The following ZNF391 variants were observed in gnomAD, a reference collection of about 807,000 sequenced individuals.
ZNF391 encodes the protein zinc finger protein 391.
For missense variants in ZNF391, 375 were observed against 425.5 expected (o/e 0.88, Z 1.04); for synonymous variants, 126 against 142.1 (o/e 0.89, Z 0.80).
upstream of ZNF391, among the ~76,000 whole-genome samples, chr6:27,388,427 G>A (rs992844034): frequency 6.6e-6 from 1 of 152,048 alleles, no homozygotes; most frequent in Non-Finnish European, 1.5e-5. Context: ...CCTTGAAAAT[G>A]CAATGTTCCG....
At chr6:27,382,189 C>T (rs898497771) in intron 1 of ZNF391, among the ~76,000 whole-genome samples, 1 of 152,012 alleles carries the variant, frequency 6.6e-6, no homozygotes, top group African/African-American at 2.4e-5. Context: ...AAAAATCAGC[C>T]GGGTGTAGTG....
At chr6:27,390,424 G>C (rs1581530299) in intron 1 of ZNF391, among the ~76,000 whole-genome samples, 2 of 152,182 alleles carry the variant, frequency 1.3e-5, no homozygotes, top group East Asian at 3.8e-4. Context: ...GCAGTAAGGT[G>C]ACTCAAATAA....
At position 27,374,630 on chromosome 6, in the gene ZNF391, C is replaced by T. The variant is rs1453014894; in HGVS notation, n.16C>T. 1 of 152,136 alleles carries T rather than the reference C, an allele frequency of 6.6e-6. No homozygotes were observed. Among genetic ancestry groups the T allele is most frequent in the Non-Finnish European group, 1.5e-5 (1 of 68,072 alleles). 9.4% of individuals were successfully genotyped at this position (152,136 alleles called of 1,614,324 possible). ...ATGTTTCCTTAGTGACCCTAGGCCTCTTGCAGGAGAGTCCCTGGTCCCAGC... is the reference window on the plus strand; with the variant it reads ...ATGTTTCCTTAGTGACCCTAGGCCTTTTGCAGGAGAGTCCCTGGTCCCAGC... On this transcript the variant is annotated non_coding_transcript_exon_variant, in exon 1 of 3. Transcript: ENST00000477999. This position sits in a 1 kb window ranked among gnomAD's most constrained non-coding sequence, Gnocchi z 5.3.
In ZNF391 at chr6:27,400,945, C is replaced by T. The variant is rs1229908880; in HGVS notation, c.575C>T (p.Pro192Leu). ...LHQRIHTGEKPYECSECGKAF... is the reference protein window; with the variant it reads ...LHQRIHTGEKLYECSECGKAF... ...CAGAGAATCCATACTGGAGAAAAACCATATGAATGTAGTGAATGTGGAAAA... is the reference window on the plus strand; with the variant it reads ...CAGAGAATCCATACTGGAGAAAAACTATATGAATGTAGTGAATGTGGAAAA... The change falls in exon 3 of 3, where the codon CCA becomes CTA. Residue 192 changes from proline to leucine, a missense_variant. By Grantham distance (98) the Pro-to-Leu change is moderately conservative. Coordinates refer to ENST00000244576, the MANE Select transcript of ZNF391 (RefSeq NM_001076781.3). The T allele has an allele frequency of 6.2e-7, 1 of 1,614,162 alleles. No individual in the cohort carries two copies. The highest frequency in any genetic ancestry group is 8.5e-7 in the Non-Finnish European group (1 of 1,180,018).
intron 1 of ZNF391, among the ~76,000 whole-genome samples, chr6:27,392,640 T>C (rs1484724869): frequency 6.6e-6 from 1 of 152,212 alleles, no homozygotes; most frequent in Non-Finnish European, 1.5e-5. Flanking sequence ...GCAGTCACTC[T>C]CTATACCCCT....
intron 1 of ZNF391, among the ~76,000 whole-genome samples, chr6:27,392,748 C>G (rs2113652109): frequency 6.6e-6 from 1 of 152,366 alleles, no homozygotes; most frequent in African/African-American, 2.4e-5. Context: ...AAGTGTGATT[C>G]AGGCATTCTT....
At position 27,388,790 on chromosome 6, in the gene ZNF391, G is replaced by A. The variant is rs1364310334; in HGVS notation, c.-473G>A. ...GTCTCTGTTTTGCAACTGGTCGTCC[G>A]CGTCAGGAGACTTAGGTCCAGGCGA... On this transcript the variant is annotated 5_prime_UTR_variant, in exon 1 of 3. Transcript: ENST00000244576. 4.9e-6 allele frequency: 2 copies of A among 411,726 alleles called. No individual in the cohort carries two copies. Among genetic ancestry groups the A allele is most frequent in the Non-Finnish European group, 9.5e-6 (2 of 211,548 alleles). The allele number at this position is 411,726 out of a possible 1,614,324, so 25.5% of individuals were successfully genotyped here.
At chr6:27,375,379 C>A (rs1761401266) in intron 1 of ZNF391, among the ~76,000 whole-genome samples, 1 of 152,138 alleles carries the variant, frequency 6.6e-6, no homozygotes, top group African/African-American at 2.4e-5. Context: ...CTATGTGACA[C>A]CTCCACTGTG....
At position 27,401,050 on chromosome 6, in the gene ZNF391, G is replaced by A. The variant is rs1340198227; in HGVS notation, c.680G>A (p.Gly227Glu). Residue 227 changes from glycine (G) to glutamate (E), a missense_variant, in exon 3 of 3, where the codon GGG (glycine) becomes GAG (glutamate). Transcript: ENST00000244576. ...AGGCCTTACAAATGTAATGAATGTG[G>A]GAAAGCCTTCGGTGACCGTTCAACC... ...QERPYKCNEC[G>E]KAFGDRSTII... The A allele has an allele frequency of 1.2e-6, 2 of 1,614,148 alleles. No individual in the cohort carries two copies. The highest frequency in any genetic ancestry group is 1.7e-6 in the Non-Finnish European group (2 of 1,180,022).
Position 27,400,904 on chromosome 6 carries a change from A to G in ZNF391, c.534A>G (p.Thr178=), listed in dbSNP as rs1161540713. 6.2e-7 allele frequency: 1 copy of G among 1,614,170 alleles called. No homozygotes were observed. The highest frequency in any genetic ancestry group is 2.2e-5 in the East Asian group (1 of 44,880). ...GTGGAAAAGCTTTTAGCCGGAGCAC[A>G]CATCTTAGTCTACATCAGAGAATCC... ...NECGKAFSRS[T]HLSLHQRIHT... Residue 178 remains threonine, a synonymous_variant, in exon 3 of 3, where the codon ACA becomes ACG. Transcript: ENST00000244576.
Position 27,401,336 on chromosome 6 carries a change from T to A in ZNF391, c.966T>A (p.Ile322=), listed in dbSNP as rs765452831. Residue 322 remains isoleucine (I), a synonymous_variant, in exon 3 of 3, where the codon ATT becomes ATA. Transcript: ENST00000244576. ...TCAGTCGAAGCTCATCCCTTATTAT[T>A]CATCAGAGAACTCATACCGGGGAGA... is the stretch of plus-strand genomic sequence containing the variant. The part of the protein sequence containing the change: ...KGFSRSSSLI[I]HQRTHTGEKP... 5 of 1,613,882 alleles carry A rather than the reference T, an allele frequency of 3.1e-6. No individual in the cohort carries two copies. The highest frequency in any genetic ancestry group is 2.7e-5 in the African/African-American group (2 of 74,840).
chr6:27,386,564 C>A (rs1207588139), upstream of ZNF391, among the ~76,000 whole-genome samples: 1 of 151,922 alleles, frequency 6.6e-6, no homozygotes, highest in Non-Finnish European at 1.5e-5. Flanking sequence ...GGAATATAGA[C>A]CAATAAAATA....
rs1761637797 is a variant in ZNF391, at chr6:27,389,006, C to G, written c.-257C>G. 2.2e-6 allele frequency: 1 copy of G among 456,360 alleles called. No individual in the cohort carries two copies. The highest frequency in any genetic ancestry group is 4.4e-6 in the Non-Finnish European group (1 of 226,874). The allele number at this position is 456,360 out of a possible 1,614,324, so 28.3% of individuals were successfully genotyped here. On this transcript the variant is annotated 5_prime_UTR_variant, in exon 1 of 3. Coordinates refer to ENST00000244576, the MANE Select transcript of ZNF391 (RefSeq NM_001076781.3). The stretch of plus-strand genomic sequence containing the variant: ...GGTTCCGCTCCAAGTGCGGGACCCG[C>G]CCGGGGTGTGTCGGGGGTACTCGGC...
Position 27,376,257 on chromosome 6 carries a change from T to G in ZNF391, n.523+1120T>G, listed in dbSNP as rs143422002. On this transcript the variant is annotated intron_variant and non_coding_transcript_variant, in intron 1 of 2. Coordinates refer to the ZNF391 transcript ENST00000477999. The surrounding 1 kb of genome is among the most constrained non-coding windows in gnomAD (Gnocchi z 4.7). The stretch of plus-strand genomic sequence containing the variant: ...AATTTTGCTATTTGAAATGAATGAA[T>G]TATTAATGAATTATTATTAACACAT... 1.3e-3 allele frequency among the ~76,000 whole-genome samples: 204 copies of G among 152,296 alleles called. No individual in the cohort carries two copies. In the East Asian group the frequency reaches 0.017, roughly 13 times the overall value.
intron 1 of ZNF391, among the ~76,000 whole-genome samples, chr6:27,381,122 C>T (rs185555378): frequency 0.034 from 5,245 of 152,300 alleles, 187 homozygotes; most frequent in African/African-American, 0.09. Context: ...CAGGGGGCGG[C>T]GCTCATCGGG....
chr6:27,401,383 G>C lies in ZNF391; in HGVS notation c.1013G>C (p.Cys338Ser). Reference protein sequence around the residue: ...TGEKPYKCNDCGKAFCQSSTL... With the variant: ...TGEKPYKCNDSGKAFCQSSTL... ...GAGAAGCCGTACAAATGTAATGACT[G>C]TGGAAAAGCCTTCTGTCAGAGTTCA... Residue 338 changes from cysteine (C) to serine (S), a missense_variant, in exon 3 of 3, where the codon TGT becomes TCT. Transcript: ENST00000244576. The C allele has an allele frequency of 6.2e-7, 1 of 1,613,534 alleles. No individual in the cohort carries two copies. Among genetic ancestry groups the C allele is most frequent in the Non-Finnish European group, 8.5e-7 (1 of 1,179,992 alleles).
chr6:27,387,005 T>C (rs1204702721), upstream of ZNF391, among the ~76,000 whole-genome samples: 1 of 152,108 alleles, frequency 6.6e-6, no homozygotes, highest in South Asian at 2.1e-4. Flanking sequence ...CAAAAACTCA[T>C]GCAACACAAC....
intron 1 of ZNF391, among the ~76,000 whole-genome samples, chr6:27,389,813 C>T (rs538130069): frequency 1.2e-5 from 1 of 81,422 alleles, no homozygotes; most frequent in East Asian, 3.1e-4. Flanking sequence ...CCCCTCCCCC[C>T]CAAAAAAGAG....
upstream of ZNF391, among the ~76,000 whole-genome samples, chr6:27,384,620 GAT>G (rs1261243524): frequency 6.6e-6 from 1 of 151,976 alleles, no homozygotes; most frequent in East Asian, 1.9e-4. Flanking sequence ...TTTACTCAAT[GAT>G]ATATATATTC....
Sources: gnomAD v4.1 joint callset for allele counts (sites outside exome capture counted in the v4.1 genomes callset) on GRCh38, gnomAD v4.1.1 for gene constraint, Gnocchi (gnomAD v3.1) non-coding constraint, MANE v1.5 for transcripts, NCBI Gene and HGNC (gene_info 2026-07-23, HGNC 2026-07-21) for gene names.